The following ARHGEF10L variants were observed in gnomAD, a reference collection of about 807,000 sequenced individuals.
The protein encoded by ARHGEF10L is Rho guanine nucleotide exchange factor 10 like, also known as rho guanine nucleotide exchange factor 10-like protein.
In ARHGEF10L, 69 loss-of-function variants were observed where a neutral mutation model predicts 141.2. The observed-to-expected ratio is 0.49, with a 90% CI of 0.40 to 0.60. The LOEUF (loss-of-function observed/expected upper bound fraction) is 0.60. ARHGEF10L is among the 20% of genes least tolerant of loss of function. ARHGEF10L has a pLI of 0.00. For missense variants in ARHGEF10L, 1,482 were observed against 1,734.3 expected, an observed-to-expected ratio of 0.85 and a Z score of 2.58; for synonymous variants, 711 against 718.5, an observed-to-expected ratio of 0.99 and a Z score of 0.17.
In ARHGEF10L at chr1:17,687,740, C is replaced by G; in HGVS notation, c.3177C>G (p.Leu1059=). The stretch of plus-strand genomic sequence containing the variant: ...ACATCGCCACCAGGACCACCTTCCT[C>G]CTGCCAGGTGAGGCTGCCTCGGGCA... The part of the protein sequence containing the change: ...EINIATRTTF[L]LPGQKHLCVT... The change falls in exon 27 of 29, where the codon CTC becomes CTG. Residue 1059 remains leucine (L), a synonymous_variant. Transcript: ENST00000361221. 6.3e-7 allele frequency: 1 copy of G among 1,580,108 alleles called. No individual in the cohort carries two copies. The highest frequency in any genetic ancestry group is 1.7e-5 in the Admixed American group (1 of 57,510).
rs142547688 is a variant in ARHGEF10L at position 17,578,964 on chromosome 1, C to T, written c.-43-1589C>T. Among the ~76,000 whole-genome samples, 33 of 152,230 alleles carry T rather than the reference C, an allele frequency of 2.2e-4. No homozygotes were observed. In the East Asian group the frequency reaches 6.2e-3, roughly 28 times the overall value. On this transcript the variant is annotated intron_variant, in intron 1 of 28. Transcript: ENST00000361221. Reference sequence around the variant, plus strand: ...GGATTCTTGAGAAGTCAGTAACAGTCATCTCTTCTGGGGGACTGGGGGATT... The same window carrying T: ...GGATTCTTGAGAAGTCAGTAACAGTTATCTCTTCTGGGGGACTGGGGGATT...
chr1:17,526,818 C>T, the ARHGEF10L span, among the ~76,000 whole-genome samples: 2 of 151,740 alleles, frequency 1.3e-5, no homozygotes, highest in Non-Finnish European at 2.9e-5. Flanking sequence ...GCATGAGAAT[C>T]GCTTGAGCCT....
rs774830633 is a variant in ARHGEF10L at position 17,613,104 on chromosome 1, A to G, written c.656A>G (p.Lys219Arg). The G allele has an allele frequency of 6.2e-6, 10 of 1,614,102 alleles. No individual in the cohort carries two copies. Among genetic ancestry groups the G allele is most frequent in the Non-Finnish European group, 8.5e-6 (10 of 1,179,988 alleles). The change falls in exon 8 of 29, where the codon AAG (lysine) becomes AGG (arginine). Residue 219 changes from lysine (K) to arginine (R), a missense_variant. This residue lies in a region of ARHGEF10L where 392 missense variants were observed against 542.1 expected (regional missense o/e 0.72). Transcript: ENST00000361221. ...CTAAAGGAGAGATACGCCAGGACTA[A>G]GAGAGACATCTTGGCTTTGAGAGTT... ...TRLKERYART[K>R]RDILALRVGG...
In ARHGEF10L at chr1:17,656,003, A is replaced by G. The variant is rs1420289854; in HGVS notation, c.2606A>G (p.Glu869Gly). The G allele has an allele frequency of 3.2e-6, 5 of 1,571,978 alleles. No homozygotes were observed. Among genetic ancestry groups the G allele is most frequent in the Non-Finnish European group, 4.3e-6 (5 of 1,157,734 alleles). ...APVLCMEYIP[E>G]LEEEAESRDE... is the part of the protein sequence containing the mutation. ...GTGCTCTGCATGGAGTATATCCCGG[A>G]GCTGGAGGAGGAGGCGGAGAGCAGA... is the stretch of plus-strand genomic sequence containing the variant. Residue 869 changes from glutamate (E) to glycine (G), a missense_variant, in exon 24 of 29, where the codon GAG (glutamate) becomes GGG (glycine). By Grantham distance (98) the Glu-to-Gly change is moderately conservative. This residue lies in a region of ARHGEF10L where 858 missense variants were observed against 966.3 expected (regional missense o/e 0.89). Transcript: ENST00000361221. This position sits in a 1 kb window ranked among gnomAD's most constrained non-coding sequence, Gnocchi z 4.9.
intron 20 of ARHGEF10L, 40 bp from the exon 21 acceptor site, chr1:17,640,162 G>A: frequency 6.3e-7 from 1 of 1,589,442 alleles, no homozygotes; most frequent in East Asian, 2.2e-5. Flanking sequence ...TGGCCCTTGT[G>A]TGGGTACTCA....
intron 4 of ARHGEF10L, among the ~76,000 whole-genome samples, chr1:17,595,691 T>C (rs908873672): frequency 6.6e-6 from 1 of 151,762 alleles, no homozygotes; most frequent in Non-Finnish European, 1.5e-5. Context: ...AGGGAACACA[T>C]GCAGGTGAGG....
rs1220562557 is a variant in ARHGEF10L, at chr1:17,656,917, A to G, written c.2860+209A>G. Among the ~76,000 whole-genome samples the G allele has an allele frequency of 6.6e-6, 1 of 152,186 alleles. No individual in the cohort carries two copies. ...CTGCTGGAATAGGGTGCTCACTACC[A>G]TGTGGGCAGTGGAACCTGTTGACAG... On this transcript the variant is annotated intron_variant, in intron 25 of 28. Transcript: ENST00000361221. The surrounding 1 kb of genome is among the most constrained non-coding windows in gnomAD (Gnocchi z 4.9).
chr1:17,621,722 G>C lies in ARHGEF10L; in HGVS notation c.943-142G>C, dbSNP rs1239293919. The C allele has an allele frequency of 2.8e-6, 2 of 719,768 alleles. No homozygotes were observed. Among genetic ancestry groups the C allele is most frequent in the Non-Finnish European group, 4.9e-6 (2 of 408,396 alleles). 44.6% of individuals were successfully genotyped at this position (719,768 alleles called of 1,614,324 possible). ...GTTGGCAGGGGCTCTGGAAGGAAGA[G>C]TGGCCACCAGGCCCAGTGGTCCCAG... On this transcript the variant is annotated intron_variant, in intron 10 of 28. Transcript: ENST00000361221. This position sits in a 1 kb window ranked among gnomAD's most constrained non-coding sequence, Gnocchi z 4.1.
chr1:17,593,615 G>T (rs766255223), intron 4 of ARHGEF10L, among the ~76,000 whole-genome samples: 2 of 152,164 alleles, frequency 1.3e-5, no homozygotes, highest in South Asian at 2.1e-4. Flanking sequence ...AAAGGTGGGG[G>T]ATGGCTTCTC....
chr1:17,563,234 T>C (rs1021361249), intron 1 of ARHGEF10L, among the ~76,000 whole-genome samples: 2 of 141,160 alleles, frequency 1.4e-5, no homozygotes, highest in African/African-American at 5.5e-5. Flanking sequence ...AGAGAGCCCT[T>C]TTCTTTTTTT....
intron 22 of ARHGEF10L, among the ~76,000 whole-genome samples, chr1:17,651,881 C>A (rs2061957307): frequency 6.6e-6 from 1 of 152,184 alleles, no homozygotes; most frequent in Admixed American, 6.5e-5. Context: ...TCTGCCCACA[C>A]CCTACCCCAC....
upstream of ARHGEF10L, among the ~76,000 whole-genome samples, chr1:17,539,415 G>C (rs1029162956): frequency 6.6e-6 from 1 of 152,204 alleles, no homozygotes; most frequent in Non-Finnish European, 1.5e-5. The surrounding 1 kb of genome is among the most constrained non-coding windows in gnomAD (Gnocchi z 6.0). Flanking sequence ...GGAGAACCGG[G>C]AGGCGGGAAG....
intron 5 of ARHGEF10L, 98 bp downstream of exon 5, chr1:17,602,316 C>T: frequency 5.1e-6 from 7 of 1,385,036 alleles, no homozygotes; most frequent in South Asian, 1.3e-5. Flanking sequence ...CTCCTGTGAG[C>T]CCAGGGTTCA....
chr1:17,618,662 G>A (rs2059941348), intron 9 of ARHGEF10L: 5 of 619,964 alleles, frequency 8.1e-6, no homozygotes, highest in Non-Finnish European at 1.3e-5. Flanking sequence ...CAGCAGCTGG[G>A]ATCCCCTCTC....
chr1:17,563,090 G>A (rs1374320570), intron 1 of ARHGEF10L, among the ~76,000 whole-genome samples: 1 of 152,102 alleles, frequency 6.6e-6, no homozygotes, highest in Non-Finnish European at 1.5e-5. Flanking sequence ...CCTGGGGGAC[G>A]ATGAATCTTC....
At chr1:17,634,063 T>G (rs971703846) in intron 16 of ARHGEF10L, among the ~76,000 whole-genome samples, 2 of 152,192 alleles carry the variant, frequency 1.3e-5, no homozygotes, top group Non-Finnish European at 2.9e-5. Flanking sequence ...GAAGCCTCTG[T>G]CACACATGGG....
the ARHGEF10L span, among the ~76,000 whole-genome samples, chr1:17,527,947 C>A: frequency 6.6e-6 from 1 of 151,092 alleles, no homozygotes; most frequent in Non-Finnish European, 1.5e-5. Context: ...TGGCTCACTG[C>A]AACCTCCGCC....
At chr1:17,612,665 A>G (rs2059609609) in intron 7 of ARHGEF10L, among the ~76,000 whole-genome samples, 1 of 152,212 alleles carries the variant, frequency 6.6e-6, no homozygotes, top group Non-Finnish European at 1.5e-5. Context: ...AAACTTACAG[A>G]GAAGCTCCTA....
At chr1:17,635,888 C>T (rs2060969765) in intron 18 of ARHGEF10L, among the ~76,000 whole-genome samples, 1 of 152,168 alleles carries the variant, frequency 6.6e-6, no homozygotes, top group Admixed American at 6.5e-5. Flanking sequence ...GTTTCACTTC[C>T]CCCTCTGTCT....
Sources: allele counts gnomAD v4.1 joint callset (sites outside exome capture counted in the v4.1 genomes callset), GRCh38; gene constraint gnomAD v4.1.1; regional missense constraint gnomAD v4.1.1; non-coding constraint Gnocchi (gnomAD v3.1); transcripts MANE v1.5; gene names NCBI Gene and HGNC (gene_info 2026-07-23, HGNC 2026-07-21).